PLXNB2: variants seen among roughly 807,000 people sequenced by gnomAD.
PLXNB2 encodes the protein plexin-B2.
Under a neutral mutation model 202.6 loss-of-function variants are expected in PLXNB2, and 85 were observed. The ratio of observed to expected loss-of-function variants is 0.42; its 90% CI spans 0.35 to 0.50. PLXNB2 has a LOEUF of 0.50. Ranked by LOEUF, PLXNB2 falls within the 20% of genes least tolerant of loss-of-function variation. PLXNB2 has a pLI of 0.02. For synonymous variants in PLXNB2, 1,239 were observed against 1,137.6 expected (o/e 1.09, Z -1.79); for missense variants, 2,063 against 2,586.2 (o/e 0.80, Z 4.39).
Position 50,284,197 on chromosome 22 carries a change from T to C in PLXNB2, c.2198A>G (p.Asn733Ser). The change falls in exon 13 of 37, where the codon AAC (asparagine) becomes AGC (serine). Residue 733 changes from asparagine to serine, a missense_variant. Physicochemically the swap from Asn to Ser is conservative, Grantham distance 46 (BLOSUM62 1). Transcript: ENST00000359337. This position sits in a 1 kb window ranked among gnomAD's most constrained non-coding sequence, Gnocchi z 8.0. ...GTAGAGGTGCAGGGGCAGCGTCTCG[T>C]TGGCATCGTGGGACAGCTGGGGGAC... ...FRTPKLSHDA[N>S]ETLPLHLYVK... 1 of 1,612,022 alleles carries C rather than the reference T, an allele frequency of 6.2e-7. No individual in the cohort carries two copies. Among genetic ancestry groups the C allele is most frequent in the Non-Finnish European group, 8.5e-7 (1 of 1,179,414 alleles).
rs376293364 is a variant in PLXNB2 at position 50,283,684 on chromosome 22, C to A, written c.2488G>T (p.Val830Phe). ...RITILGSNLGVQAGDIQRISV... is the reference protein window; with the variant it reads ...RITILGSNLGFQAGDIQRISV... ...ATCCTCTGGATGTCCCCTGCTTGGA[C>A]GCCCAAATTGGACCCCAGGATGGTG... is the stretch of plus-strand genomic sequence containing the variant. The change falls in exon 15 of 37, where the codon GTC (valine) becomes TTC (phenylalanine). Residue 830 changes from valine to phenylalanine, a missense_variant. Val to Phe is a conservative substitution (Grantham distance 50). This residue lies in a region of PLXNB2 where 1,303 missense variants were observed against 1,476.8 expected (regional missense o/e 0.88). Transcript: ENST00000359337. 29 of 1,613,014 alleles carry A rather than the reference C, an allele frequency of 1.8e-5. No homozygotes were observed. Among genetic ancestry groups the A allele is most frequent in the Non-Finnish European group, 2.3e-5 (27 of 1,179,958 alleles).
At chr22:50,302,771 A>C (rs2147722875) in intron 1 of PLXNB2, among the ~76,000 whole-genome samples, 1 of 152,070 alleles carries the variant, frequency 6.6e-6, no homozygotes, top group East Asian at 1.9e-4. Flanking sequence ...GCCCCTGTCA[A>C]CTGCTGGCTC....
At position 50,282,778 on chromosome 22, in the gene PLXNB2, C is replaced by T. The variant is rs201704027; in HGVS notation, c.2920G>A (p.Gly974Ser). The T allele has an allele frequency of 1.5e-4, 239 of 1,612,770 alleles. 4 individuals carry two copies. The highest frequency in any genetic ancestry group is 1.0e-3 in the South Asian group (95 of 91,064). ...TTTTCGCGGTAGGTGAAGAAGATGC[C>T]GGGGTTGGGCACGGGGGACCCCCCG... ...SYGGSPVPNP[G>S]IFFTYRENPV... The change falls in exon 18 of 37, where the codon GGC (glycine) becomes AGC (serine). Residue 974 changes from glycine (G) to serine (S), a missense_variant. Coordinates refer to ENST00000359337, the MANE Select transcript of PLXNB2 (RefSeq NM_012401.4).
rs751734137 is a variant in PLXNB2 at position 50,290,220 on chromosome 22, A to T, written c.365T>A (p.Leu122Gln). 1 of 1,612,274 alleles carries T rather than the reference A, an allele frequency of 6.2e-7. No individual in the cohort carries two copies. Among genetic ancestry groups the T allele is most frequent in the South Asian group, 1.1e-5 (1 of 91,092 alleles). Reference protein sequence around the residue: ...CGSLFKGICALRALSNISLRL... With the variant: ...CGSLFKGICAQRALSNISLRL... The stretch of plus-strand genomic sequence containing the variant: ...GAGGGAGATGTTGCTCAGGGCGCGC[A>T]GAGCGCAGATGCCCTTGAAGAGGCT... The change falls in exon 3 of 37, where the codon CTG (leucine) becomes CAG (glutamine). Residue 122 changes from leucine (L) to glutamine (Q), a missense_variant. Leu to Gln is a moderately radical substitution (Grantham distance 113). Transcript: ENST00000359337.
At chr22:50,282,935 A>G (rs1458959072) in intron 17 of PLXNB2, 54 bp from the exon 18 acceptor site, 2 of 1,563,620 alleles carry the variant, frequency 1.3e-6, no homozygotes, top group Non-Finnish European at 1.7e-6. Context: ...GACCAGCCCC[A>G]GCCCGACCAG....
At chr22:50,302,129 G>C (rs752645604) in intron 1 of PLXNB2, among the ~76,000 whole-genome samples, 99 of 152,352 alleles carry the variant, frequency 6.5e-4, no homozygotes, top group Non-Finnish European at 1.0e-3. Context: ...GGTGGGGGCA[G>C]GGCCGTCTCA....
Position 50,280,496 on chromosome 22 carries a change from G to A in PLXNB2, c.4168C>T (p.Leu1390=), listed in dbSNP as rs1394506673. ...GGCCCCGCCCATGTGCACCTGCGCA[G>A]CATCAGCTTGGGGTTCTTGGCCACC... ...YVVAKNPKLM[L]RRSETVVERM... The change falls in exon 25 of 37, where the codon CTG becomes TTG. Residue 1390 remains leucine (L), a synonymous_variant. Coordinates refer to ENST00000359337, the MANE Select transcript of PLXNB2 (RefSeq NM_012401.4). The A allele has an allele frequency of 1.9e-6, 3 of 1,606,898 alleles. No homozygotes were observed. The East Asian group carries it at 6.7e-5, about 36-fold the overall frequency.
At position 50,278,522 on chromosome 22, in the gene PLXNB2, G is replaced by T; in HGVS notation, c.4648-3C>A. On this transcript the variant is annotated splice_region_variant and splice_polypyrimidine_tract_variant and intron_variant, in intron 29 of 36. Coordinates refer to ENST00000359337, the MANE Select transcript of PLXNB2 (RefSeq NM_012401.4). ...ATGAGGGTGGCTCCATCCCGGACCT[G>T]GGGAACACGGCGGTGAGGGTGGGCT... The T allele has an allele frequency of 1.3e-6, 2 of 1,575,876 alleles. No individual in the cohort carries two copies. Among genetic ancestry groups the T allele is most frequent in the East Asian group, 4.7e-5 (2 of 42,308 alleles).
chr22:50,283,997 G>A lies in PLXNB2; in HGVS notation c.2264-7C>T, dbSNP rs560642925. On this transcript the variant is annotated splice_polypyrimidine_tract_variant and splice_region_variant and intron_variant, in intron 13 of 36. Transcript: ENST00000359337. ...GAGCAGTTGTAGAGGGTCACTGCGGGGAGAGCTGCCGTCAGTGGTCACCCC... is the reference window on the plus strand; with the variant it reads ...GAGCAGTTGTAGAGGGTCACTGCGGAGAGAGCTGCCGTCAGTGGTCACCCC... 2.0e-6 allele frequency: 3 copies of A among 1,536,540 alleles called. No individual in the cohort carries two copies. In the South Asian group the frequency reaches 3.6e-5, roughly 18 times the overall value.
chr22:50,289,178 CCT>C lies in PLXNB2; in HGVS notation c.1069-38_1069-37del, dbSNP rs764740245. On this transcript the variant is annotated intron_variant, in intron 3 of 36. Coordinates refer to ENST00000359337, the MANE Select transcript of PLXNB2 (RefSeq NM_012401.4). This position sits in a 1 kb window ranked among gnomAD's most constrained non-coding sequence, Gnocchi z 8.0. Reference sequence around the variant, plus strand: ...CAGCGTGTCAATGGCAGGCAGACCCCCTGTCCTGAAGGGCCCTCTCCACTCGC... The same window carrying C: ...CAGCGTGTCAATGGCAGGCAGACCCCGTCCTGAAGGGCCCTCTCCACTCGC... 18 of 1,511,866 alleles carry C rather than the reference CCT, an allele frequency of 1.2e-5. No homozygotes were observed. The highest frequency in any genetic ancestry group is 9.5e-5 in the East Asian group (4 of 42,006). 93.7% of individuals were successfully genotyped at this position (1,511,866 alleles called of 1,614,324 possible).
Position 50,289,582 on chromosome 22 carries a change from G to A in PLXNB2, c.1003C>T (p.Arg335Trp), listed in dbSNP as rs771996791. 22 of 1,611,192 alleles carry A rather than the reference G, an allele frequency of 1.4e-5. No individual in the cohort carries two copies. Among genetic ancestry groups the A allele is most frequent in the African/African-American group, 1.3e-4 (10 of 74,950 alleles). Residue 335 changes from arginine to tryptophan, a missense_variant, in exon 3 of 37, where the codon CGG becomes TGG. This residue lies in a region of PLXNB2 where 1,303 missense variants were observed against 1,476.8 expected (regional missense o/e 0.88). Transcript: ENST00000359337. The surrounding 1 kb of genome is among the most constrained non-coding windows in gnomAD (Gnocchi z 8.0). ...ANRNACYTGTREARDIFYKPF... is the reference protein window; with the variant it reads ...ANRNACYTGTWEARDIFYKPF... ...TTGTAGAAGATGTCACGGGCCTCCC[G>A]GGTGCCTGTGTAACAGGCGTTGCGG...
chr22:50,279,431 G>A (rs1201497134), intron 27 of PLXNB2, among the ~76,000 whole-genome samples, 199 bp downstream of exon 27: 9 of 152,160 alleles, frequency 5.9e-5, no homozygotes, highest in Admixed American at 5.9e-4. Context: ...TGCGGGGCCC[G>A]CACACTTAGA....
chr22:50,293,334 C>T (rs1196368266), intron 2 of PLXNB2, among the ~76,000 whole-genome samples: 4 of 152,184 alleles, frequency 2.6e-5, no homozygotes, highest in African/African-American at 4.8e-5. Context: ...GGAGGAGCAG[C>T]GCCTGCCCGA....
chr22:50,287,280 T>G lies in PLXNB2; in HGVS notation c.1609-16A>C, dbSNP rs1207197843. ...TCAGCTGCACCTGAGGGAGGGGCCG[T>G]GCCGCTCACACTGGGAACCCCGAGT... On this transcript the variant is annotated splice_polypyrimidine_tract_variant and intron_variant, in intron 7 of 36. Coordinates refer to ENST00000359337, the MANE Select transcript of PLXNB2 (RefSeq NM_012401.4). The G allele has an allele frequency of 1.4e-6, 2 of 1,473,176 alleles. No homozygotes were observed. Among genetic ancestry groups the G allele is most frequent in the African/African-American group, 2.8e-5 (2 of 70,726 alleles). The allele number at this position is 1,473,176 out of a possible 1,614,324, so 91.3% of individuals were successfully genotyped here. A position where few individuals can be genotyped will look rare whatever the true frequency, so the allele number is the denominator to read the frequency against.
rs1273271514 is a variant in PLXNB2, at chr22:50,284,412, AG to A, written c.2181+160del. ...CTGTCCCCAGGGAGGCAGAGGGCAG[AG>A]GGGGCTTCCCCAGCAGCACAGGGCA... On this transcript the variant is annotated intron_variant, in intron 12 of 36. Transcript: ENST00000359337. The surrounding 1 kb of genome is among the most constrained non-coding windows in gnomAD (Gnocchi z 8.0). Among the ~76,000 whole-genome samples the A allele has an allele frequency of 1.3e-5, 2 of 152,008 alleles. No homozygotes were observed. Among genetic ancestry groups the A allele is most frequent in the Non-Finnish European group, 2.9e-5 (2 of 67,960 alleles).
rs2067364776 is a variant in PLXNB2 at position 50,297,470 on chromosome 22, T to C, written c.-73-2692A>G. ...TGGCCCTCACCGTGGAGAACGGCCATGGATTTCCCCTCCCAGAGAATAACA... is the reference window on the plus strand; with the variant it reads ...TGGCCCTCACCGTGGAGAACGGCCACGGATTTCCCCTCCCAGAGAATAACA... On this transcript the variant is annotated intron_variant, in intron 1 of 36. Transcript: ENST00000359337. The surrounding 1 kb of genome is among the most constrained non-coding windows in gnomAD (Gnocchi z 5.3). Among the ~76,000 whole-genome samples, 1 of 152,174 alleles carries C rather than the reference T, an allele frequency of 6.6e-6. No individual in the cohort carries two copies. The highest frequency in any genetic ancestry group is 1.5e-5 in the Non-Finnish European group (1 of 68,034).
Position 50,279,645 on chromosome 22 carries a change from C to T in PLXNB2, c.4374G>A (p.Val1458=), listed in dbSNP as rs748106749. 3 of 1,613,876 alleles carry T rather than the reference C, an allele frequency of 1.9e-6. No homozygotes were observed. Among genetic ancestry groups the T allele is most frequent in the Non-Finnish European group, 1.7e-6 (2 of 1,179,974 alleles). Reference sequence around the variant, plus strand: ...AGAAGCTCACCAGGGGTGCGTACTCCACATCATCCCCCAGCAGCCCCGTGT... The same window carrying T: ...AGAAGCTCACCAGGGGTGCGTACTCTACATCATCCCCCAGCAGCCCCGTGT... ...LNDTGLLGDD[V]EYAPLTVSVI... The change falls in exon 27 of 37, where the codon GTG becomes GTA. Residue 1458 remains valine, a synonymous_variant. Coordinates refer to ENST00000359337, the MANE Select transcript of PLXNB2 (RefSeq NM_012401.4).
chr22:50,307,520 G>C, intron 1 of PLXNB2, 33 bp downstream of exon 1: 1 of 967,772 alleles, frequency 1.0e-6, no homozygotes, highest in Non-Finnish European at 1.2e-6. Flanking sequence ...CCAGCGAGAC[G>C]TCCCCCGCAG....
At chr22:50,278,572 G>A (rs764867700) in intron 29 of PLXNB2, 24 bp downstream of exon 29, 8 of 1,604,462 alleles carry the variant, frequency 5.0e-6, no homozygotes, top group Admixed American at 1.7e-5. Context: ...CCCAGTTCTC[G>A]CCCGCCCCGG....
Sources: gnomAD v4.1 joint callset for allele counts (sites outside exome capture counted in the v4.1 genomes callset) on GRCh38, gnomAD v4.1.1 for gene constraint, gnomAD v4.1.1 regional missense constraint, Gnocchi (gnomAD v3.1) non-coding constraint, MANE v1.5 for transcripts, NCBI Gene and HGNC (gene_info 2026-07-23, HGNC 2026-07-21) for gene names.